The following SEMA3A variants were observed in gnomAD, a reference collection of about 807,000 sequenced individuals.
SEMA3A encodes semaphorin 3A.
A neutral mutation model predicts 97.9 loss-of-function variants in SEMA3A; 29 were observed. The observed-to-expected ratio is 0.30, with a 90% CI of 0.22 to 0.40. The LOEUF (loss-of-function observed/expected upper bound fraction) is 0.40. Among genes scored for constraint, SEMA3A ranks in the 10% least tolerant of loss-of-function variants. The pLI is 1.00. For missense variants in SEMA3A, 763 were observed against 951.3 expected (o/e 0.80, Z 2.60); for synonymous variants, 321 against 323.7 (o/e 0.99, Z 0.09).
intron 3 of SEMA3A, among the ~76,000 whole-genome samples, chr7:84,294,412 G>A (rs1035600400): frequency 6.6e-6 from 1 of 151,838 alleles, no homozygotes; most frequent in African/African-American, 2.4e-5. Context: ...TTTTAGCCTG[G>A]TTTGCAATAA....
intron 2 of SEMA3A, among the ~76,000 whole-genome samples, chr7:84,130,987 A>G (rs1020467688): frequency 2.6e-5 from 4 of 151,950 alleles, no homozygotes; most frequent in Non-Finnish European, 5.9e-5. Context: ...TCATTTTATG[A>G]TTCTCTGTGA....
intron 3 of SEMA3A, among the ~76,000 whole-genome samples, chr7:84,225,024 A>C (rs1175412272): frequency 6.6e-6 from 1 of 152,142 alleles, no homozygotes; most frequent in Non-Finnish European, 1.5e-5. Context: ...AATGAATTAC[A>C]AAGTATAGAA....
chr7:84,411,567 T>TTATATATATATA (rs60469024), intron 1 of SEMA3A, among the ~76,000 whole-genome samples: 16 of 149,234 alleles, frequency 1.1e-4, no homozygotes, highest in African/African-American at 2.7e-4. Context: ...TTGGGTATAA[T>TTATATATATATA]TATATATATA....
intron 1 of SEMA3A, among the ~76,000 whole-genome samples, chr7:84,420,186 A>C (rs989302688): frequency 6.7e-6 from 1 of 148,562 alleles, no homozygotes; most frequent in African/African-American, 2.4e-5. Flanking sequence ...TCTCATTCAC[A>C]GGAAAAAAAA....
intron 1 of SEMA3A, among the ~76,000 whole-genome samples, chr7:84,137,347 G>A (rs1294873583): frequency 1.3e-5 from 2 of 148,308 alleles, no homozygotes; most frequent in Non-Finnish European, 3.0e-5. Flanking sequence ...GTTGCAGTGA[G>A]CCGAGATTGC....
At chr7:84,242,196 T>C (rs908469314) in intron 3 of SEMA3A, among the ~76,000 whole-genome samples, 6 of 152,222 alleles carry the variant, frequency 3.9e-5, no homozygotes, top group Non-Finnish European at 4.4e-5. Flanking sequence ...GGGGATAGTA[T>C]TGAATCTATA....
intron 3 of SEMA3A, among the ~76,000 whole-genome samples, chr7:84,206,303 G>A (rs1798492846): frequency 6.7e-6 from 1 of 149,746 alleles, no homozygotes; most frequent in Non-Finnish European, 1.5e-5. Flanking sequence ...TTAGTTTATT[G>A]TAGAAACCAA....
At chr7:84,080,562 T>TAAAAAATATACTTTAATC (rs1298613885) in intron 4 of SEMA3A, among the ~76,000 whole-genome samples, 5 of 7,458 alleles carry the variant, frequency 6.7e-4, no homozygotes, top group African/African-American at 1.7e-3. Context: ...TATAATTCTT[T>TAAAAAATATACTTTAATC]TTTTTTTTTT....
rs188265641 is a variant in SEMA3A at position 84,264,592 on chromosome 7, G to A, written c.-83+42615C>T. Among the ~76,000 whole-genome samples the A allele has an allele frequency of 3.6e-3, 554 of 152,290 alleles. 1 individual carries two copies. Among genetic ancestry groups the A allele is most frequent in the African/African-American group, 0.012 (505 of 41,552 alleles). ...GCATTCATGTATGCAGATCTGAAAT[G>A]CTCATCATAACCAAACTGAAATCAA... On this transcript the variant is annotated intron_variant, in intron 3 of 3. Transcript: ENST00000424555.
intron 10 of SEMA3A, among the ~76,000 whole-genome samples, chr7:84,006,965 TATAGAA>T (rs894807728): frequency 6.6e-6 from 1 of 152,106 alleles, no homozygotes; most frequent in Non-Finnish European, 1.5e-5. Context: ...AAATTAAGGT[TATAGAA>T]ATATCAAATA....
chr7:83,971,430 CA>C (rs58083024), intron 15 of SEMA3A, among the ~76,000 whole-genome samples: 11,368 of 132,626 alleles, frequency 0.086, 1,352 homozygotes, highest in African/African-American at 0.28. Flanking sequence ...GAAACTCCAT[CA>C]AAAAAAAAAA....
chr7:84,076,037 C>T (rs1472358159), intron 4 of SEMA3A, among the ~76,000 whole-genome samples: 2 of 152,196 alleles, frequency 1.3e-5, no homozygotes, highest in Admixed American at 6.5e-5. Flanking sequence ...AAATCCTCTA[C>T]CGATTCCAGG....
chr7:83,970,000 C>G (rs1009287089), intron 15 of SEMA3A, among the ~76,000 whole-genome samples: 4 of 152,120 alleles, frequency 2.6e-5, no homozygotes, highest in African/African-American at 9.7e-5. Context: ...TGCATACAAA[C>G]TTTTGTCATG....
chr7:84,114,207 G>A (rs1463034253), intron 3 of SEMA3A, among the ~76,000 whole-genome samples: 1 of 152,130 alleles, frequency 6.6e-6, no homozygotes, highest in African/African-American at 2.4e-5. Flanking sequence ...TTCTACAAAA[G>A]AATATGATTT....
chr7:84,378,411 G>A (rs762772479), intron 1 of SEMA3A, among the ~76,000 whole-genome samples: 1 of 152,106 alleles, frequency 6.6e-6, no homozygotes, highest in East Asian at 1.9e-4. Flanking sequence ...CCTTTGCAGG[G>A]ACATGGGCGA....
chr7:84,383,908 T>G (rs2116150418), intron 1 of SEMA3A, among the ~76,000 whole-genome samples: 1 of 152,306 alleles, frequency 6.6e-6, no homozygotes, highest in East Asian at 1.9e-4. Flanking sequence ...CATTTAATAT[T>G]AGACATGATC....
chr7:84,248,201 G>A (rs977910702), intron 3 of SEMA3A, among the ~76,000 whole-genome samples: 4 of 152,156 alleles, frequency 2.6e-5, no homozygotes, highest in African/African-American at 9.7e-5. Context: ...GTTTCCCCAT[G>A]TTGATATTTT....
intron 1 of SEMA3A, chr7:84,489,004 A>G (rs1806653167): frequency 6.6e-6 from 1 of 152,162 alleles, no homozygotes; most frequent in South Asian, 2.1e-4. Context: ...AAGTTACACT[A>G]TTTACTACCT....
intron 1 of SEMA3A, among the ~76,000 whole-genome samples, chr7:84,141,788 T>C (rs555819171): frequency 4.3e-4 from 66 of 152,274 alleles, no homozygotes; most frequent in Non-Finnish European, 1.3e-4. Flanking sequence ...CATGCAGTAT[T>C]TGGTTTTCTG....
Sources: allele counts gnomAD v4.1 joint callset (sites outside exome capture counted in the v4.1 genomes callset), GRCh38; gene constraint gnomAD v4.1.1; transcripts MANE v1.5; gene names NCBI Gene and HGNC (gene_info 2026-07-23, HGNC 2026-07-21).